RYR2: variants seen among roughly 807,000 people sequenced by gnomAD.
The protein encoded by RYR2 is cardiac muscle ryanodine receptor-calcium release channel.
RYR2 carries 227 observed loss-of-function variants against 601.1 expected under a neutral mutation model. That is an observed-to-expected ratio of 0.38 (90% CI 0.34 to 0.42). The LOEUF (loss-of-function observed/expected upper bound fraction) is 0.42, where lower values mean the gene tolerates loss of function less well. Ranked by LOEUF, RYR2 falls within the 10% of genes least tolerant of loss-of-function variation. RYR2 has a pLI of 1.00. For missense variants in RYR2, 4,646 were observed against 6,156.5 expected (o/e 0.75, Z 8.21); for synonymous variants, 2,223 against 2,175.1 (o/e 1.02, Z -0.61).
rs78281932 is a variant in RYR2, at chr1:237,456,734, G to A, written c.1611G>A (p.Leu537=). 16,603 of 1,613,162 alleles carry A rather than the reference G, an allele frequency of 0.01. 1,397 individuals are homozygous for A. The African/African-American group carries it at 0.19, about 18-fold the overall frequency. The change falls in exon 16 of 105, where the codon CTG becomes CTA. Residue 537 remains leucine, a splice_region_variant and synonymous_variant. Transcript: ENST00000366574. Reference sequence around the variant, plus strand: ...TTCTGAATTCTCTGTATGAGTTGCTGGGTAAGAAGCATGATTGGGTTCATA... The same window carrying A: ...TTCTGAATTCTCTGTATGAGTTGCTAGGTAAGAAGCATGATTGGGTTCATA... ...KSILNSLYEL[L]AALIRGNRKN...
rs1660169234 is a variant in RYR2, at chr1:237,043,405, G to C, written c.48+836G>C. On this transcript the variant is annotated intron_variant, in intron 1 of 104. Coordinates refer to ENST00000366574, the MANE Select transcript of RYR2 (RefSeq NM_001035.3). ...GCAAAGTGTGTGTGTGTAAGTGTAA[G>C]GGCAGGGTGGCTGCCCGGGAAAGGT... 2.0e-5 allele frequency among the ~76,000 whole-genome samples: 3 copies of C among 152,190 alleles called. No homozygotes were observed. In the South Asian group the frequency reaches 6.2e-4, roughly 31 times the overall value.
chr1:237,818,864 A>T (rs1022905446), intron 100 of RYR2, among the ~76,000 whole-genome samples, 172 bp from the exon 101 acceptor site: 2 of 152,238 alleles, frequency 1.3e-5, no homozygotes, highest in East Asian at 3.9e-4. Context: ...AACATGCAAA[A>T]GCCAAATGTT....
intron 94 of RYR2, 50 bp from the exon 95 acceptor site, chr1:237,793,817 T>C: frequency 7.1e-7 from 1 of 1,411,828 alleles, no homozygotes; most frequent in East Asian, 2.4e-5. Flanking sequence ...GACCACAAGA[T>C]ATGCCAGTAA....
intron 1 of RYR2, among the ~76,000 whole-genome samples, chr1:237,219,163 C>T (rs1309124455): frequency 6.6e-6 from 1 of 151,990 alleles, no homozygotes; most frequent in Non-Finnish European, 1.5e-5. Flanking sequence ...AGGCCTGTGC[C>T]ACCCCGCCCA....
chr1:237,361,077 G>A (rs576084209), intron 4 of RYR2, among the ~76,000 whole-genome samples: 21 of 152,216 alleles, frequency 1.4e-4, no homozygotes, highest in Admixed American at 1.3e-3. Flanking sequence ...CTGGGCTCAA[G>A]CAGATACTCC....
intron 1 of RYR2, among the ~76,000 whole-genome samples, chr1:237,064,426 A>G (rs16834780): frequency 0.2 from 30,587 of 152,094 alleles, 3,175 homozygotes; most frequent in African/African-American, 0.25. Context: ...TAAGCATAAT[A>G]CATGTATCAC....
chr1:237,577,317 A>G (rs1673332529), intron 29 of RYR2, among the ~76,000 whole-genome samples: 2 of 152,202 alleles, frequency 1.3e-5, no homozygotes, highest in South Asian at 2.1e-4. Flanking sequence ...ATGTCCTCCA[A>G]AGATGTTGAT....
intron 38 of RYR2, 29 bp downstream of exon 38, chr1:237,617,515 A>T: frequency 6.2e-7 from 1 of 1,602,104 alleles, no homozygotes; most frequent in Non-Finnish European, 8.5e-7. Context: ...AATTCTTCGT[A>T]TTTATGTTGG....
chr1:237,659,864 T>G (rs1683602251), intron 54 of RYR2, 121 bp from the exon 55 acceptor site: 1 of 540,482 alleles, frequency 1.9e-6, no homozygotes, highest in Non-Finnish European at 3.2e-6. Flanking sequence ...ATTTCAATCT[T>G]AACCCTTACC....
At chr1:237,508,935 G>A (rs1665584457) in intron 23 of RYR2, among the ~76,000 whole-genome samples, 1 of 151,352 alleles carries the variant, frequency 6.6e-6, no homozygotes, top group East Asian at 1.9e-4. Context: ...GTAGAGACGG[G>A]GTTTCACCGT....
At chr1:237,494,404 A>C (rs1663799379) in intron 19 of RYR2, among the ~76,000 whole-genome samples, 1 of 152,170 alleles carries the variant, frequency 6.6e-6, no homozygotes, top group Non-Finnish European at 1.5e-5. Flanking sequence ...TGGAAAACTC[A>C]ACCAGTCTAG....
At chr1:237,627,732 A>T in intron 40 of RYR2, 75 bp from the exon 41 acceptor site, 1 of 1,431,102 alleles carries the variant, frequency 7.0e-7, no homozygotes, top group Non-Finnish European at 9.3e-7. Context: ...GGGGTACAGG[A>T]TATGGACTTG....
intron 1 of RYR2, among the ~76,000 whole-genome samples, chr1:237,065,292 TTTTTC>T (rs1299994155): frequency 8.0e-5 from 1 of 12,424 alleles, no homozygotes; most frequent in African/African-American, 2.0e-4. Flanking sequence ...TTTTTTTTTT[TTTTTC>T]GAGAGGGAGT....
At chr1:237,631,613 A>AATTTTTTTTTT (rs1680262638) in intron 42 of RYR2, 72 bp downstream of exon 42, 1 of 191,274 alleles carries the variant, frequency 5.2e-6, no homozygotes, top group African/African-American at 6.8e-5. Context: ...TAGAATGCAG[A>AATTTTTTTTTT]TTTTTTTTTT....
At chr1:237,687,626 G>T in intron 63 of RYR2, 122 bp downstream of exon 63, 1 of 756,650 alleles carries the variant, frequency 1.3e-6, no homozygotes, top group South Asian at 1.6e-5. Flanking sequence ...ATGCATGGTC[G>T]TTGCAGGCCA....
At chr1:237,444,175 C>G (rs968217499) in intron 13 of RYR2, among the ~76,000 whole-genome samples, 4 of 152,106 alleles carry the variant, frequency 2.6e-5, no homozygotes, top group African/African-American at 9.7e-5. Flanking sequence ...TATTTATCAT[C>G]ACAAGGAATC....
At chr1:237,677,511 A>G (rs542362781) in intron 60 of RYR2, among the ~76,000 whole-genome samples, 1 of 152,264 alleles carries the variant, frequency 6.6e-6, no homozygotes, top group African/African-American at 2.4e-5. Flanking sequence ...TAATTTGCCA[A>G]CCTAATATTA....
chr1:237,334,345 G>T (rs1274283231), intron 3 of RYR2, among the ~76,000 whole-genome samples: 1 of 151,720 alleles, frequency 6.6e-6, no homozygotes, highest in Admixed American at 6.6e-5. Flanking sequence ...GTTGCTTATT[G>T]TGACTATTAG....
intron 1 of RYR2, among the ~76,000 whole-genome samples, chr1:237,090,633 G>A (rs1434732882): frequency 6.6e-6 from 1 of 151,892 alleles, no homozygotes; most frequent in Non-Finnish European, 1.5e-5. Context: ...GCAGCAACAG[G>A]AAACTAATAA....
Sources: gnomAD v4.1 joint callset for allele counts (sites outside exome capture counted in the v4.1 genomes callset) on GRCh38, gnomAD v4.1.1 for gene constraint, MANE v1.5 for transcripts, NCBI Gene and HGNC (gene_info 2026-07-23, HGNC 2026-07-21) for gene names.